ANKS1B: variants seen among roughly 807,000 people sequenced by gnomAD.
ANKS1B encodes the protein ankyrin repeat and sterile alpha motif domain-containing protein 1B.
Under a neutral mutation model 148.3 loss-of-function variants are expected in ANKS1B, and 36 were observed. That is an observed-to-expected ratio of 0.24 (90% CI 0.19 to 0.32). The LOEUF is 0.32. Ranked by LOEUF, ANKS1B falls within the 10% of genes least tolerant of loss-of-function variation. ANKS1B has a pLI of 1.00. For missense variants in ANKS1B, 1,157 were observed against 1,542.6 expected (o/e 0.75, Z 4.19); for synonymous variants, 542 against 560.8 (o/e 0.97, Z 0.47).
At chr12:99,649,324 T>C in intron 9 of ANKS1B, 6 of 1,614,156 alleles carry the variant, frequency 3.7e-6, no homozygotes, top group Non-Finnish European at 5.1e-6. Context: ...GAAGGAGCAA[T>C]TCAGAATCAG....
chr12:99,309,621 A>C (rs575782387), intron 12 of ANKS1B, among the ~76,000 whole-genome samples: 1 of 152,190 alleles, frequency 6.6e-6, no homozygotes, highest in East Asian at 1.9e-4. Flanking sequence ...TCACACATAA[A>C]TACATAAATA....
At chr12:99,369,971 T>C (rs1368567834) in intron 12 of ANKS1B, among the ~76,000 whole-genome samples, 1 of 152,178 alleles carries the variant, frequency 6.6e-6, no homozygotes, top group Admixed American at 6.6e-5. Flanking sequence ...TCTTTCAACT[T>C]GACTGTTTGA....
At chr12:99,327,198 AT>A (rs1756273333) in intron 12 of ANKS1B, among the ~76,000 whole-genome samples, 1 of 114,614 alleles carries the variant, frequency 8.7e-6, no homozygotes, top group South Asian at 2.3e-4. Flanking sequence ...TAATTATATA[AT>A]ATATTATCTA....
chr12:99,831,855 A>G (rs1450561545), intron 1 of ANKS1B, among the ~76,000 whole-genome samples: 1 of 152,186 alleles, frequency 6.6e-6, no homozygotes, highest in East Asian at 1.9e-4. Context: ...AACAGATATC[A>G]CTATTCTTTA....
chr12:99,926,678 T>C (rs924183403), intron 1 of ANKS1B, among the ~76,000 whole-genome samples: 1 of 152,204 alleles, frequency 6.6e-6, no homozygotes, highest in Non-Finnish European at 1.5e-5. Flanking sequence ...AATAAATGCC[T>C]TTATATACAT....
intron 11 of ANKS1B, among the ~76,000 whole-genome samples, chr12:99,406,711 A>C (rs2094539618): frequency 6.8e-6 from 1 of 146,244 alleles, no homozygotes; most frequent in Non-Finnish European, 1.5e-5. Flanking sequence ...AAATACCATA[A>C]ATGCTAAATA....
chr12:99,055,131 C>T (rs542072646), intron 16 of ANKS1B, among the ~76,000 whole-genome samples: 4 of 152,154 alleles, frequency 2.6e-5, no homozygotes, highest in South Asian at 4.1e-4. Context: ...CATAGATATT[C>T]GGTAGCTTCA....
intron 17 of ANKS1B, among the ~76,000 whole-genome samples, chr12:98,946,400 T>C (rs1308860666): frequency 1.3e-5 from 2 of 152,240 alleles, no homozygotes; most frequent in African/African-American, 4.8e-5. Context: ...TTTTTTGTTA[T>C]ATTTCCTCAT....
chr12:99,244,985 G>A (rs916015339), intron 13 of ANKS1B, among the ~76,000 whole-genome samples: 5 of 152,216 alleles, frequency 3.3e-5, no homozygotes, highest in African/African-American at 9.6e-5. Context: ...CTCCCAAGTA[G>A]CTGGGATTAC....
intron 8 of ANKS1B, among the ~76,000 whole-genome samples, chr12:99,749,395 T>C (rs534776846): frequency 1.3e-5 from 2 of 152,168 alleles, no homozygotes; most frequent in African/African-American, 4.8e-5. Flanking sequence ...AAAACCAGTG[T>C]AGAGGAAAAT....
At chr12:99,685,024 A>G (rs2098641681) in intron 8 of ANKS1B, among the ~76,000 whole-genome samples, 1 of 152,140 alleles carries the variant, frequency 6.6e-6, no homozygotes, top group African/African-American at 2.4e-5. Flanking sequence ...TAGGCAAAGA[A>G]TTCATGAACA....
intron 2 of ANKS1B, among the ~76,000 whole-genome samples, chr12:99,821,088 T>C (rs1421404691): frequency 1.3e-5 from 2 of 152,136 alleles, no homozygotes; most frequent in Admixed American, 6.5e-5. Flanking sequence ...TCATAGTGCA[T>C]AACTGAGCCA....
chr12:99,647,874 G>A (rs925298028), intron 9 of ANKS1B: 1 of 372,888 alleles, frequency 2.7e-6, no homozygotes, highest in South Asian at 6.3e-5. Context: ...CCTCCCGAAT[G>A]AGCACTGACA....
chr12:99,859,493 T>G (rs1207885772), intron 1 of ANKS1B, among the ~76,000 whole-genome samples: 1 of 152,156 alleles, frequency 6.6e-6, no homozygotes, highest in Non-Finnish European at 1.5e-5. Flanking sequence ...CCCAATCACT[T>G]TTGACTGGTG....
At chr12:99,592,655 T>C (rs1053004455) in intron 9 of ANKS1B, among the ~76,000 whole-genome samples, 3 of 152,094 alleles carry the variant, frequency 2.0e-5, no homozygotes, top group African/African-American at 7.2e-5. Flanking sequence ...AATGTTAGAC[T>C]ATGAAAGTTT....
At chr12:98,979,010 C>T (rs1319681667) in intron 17 of ANKS1B, among the ~76,000 whole-genome samples, 8 of 151,428 alleles carry the variant, frequency 5.3e-5, no homozygotes, top group East Asian at 4.0e-4. Context: ...GGCGTGGTGG[C>T]GGGCGCCTGT....
At chr12:99,596,567 T>C (rs1486196854) in intron 9 of ANKS1B, among the ~76,000 whole-genome samples, 90 of 151,988 alleles carry the variant, frequency 5.9e-4, no homozygotes, top group Non-Finnish European at 1.0e-4. Context: ...GGTAGGTTTA[T>C]GCTTATTTCA....
At chr12:98,979,546 C>T (rs1248846917) in intron 17 of ANKS1B, among the ~76,000 whole-genome samples, 1 of 152,192 alleles carries the variant, frequency 6.6e-6, no homozygotes, top group African/African-American at 2.4e-5. Context: ...GCTGGGATTA[C>T]AGGCGTGAGC....
intron 8 of ANKS1B, among the ~76,000 whole-genome samples, chr12:99,749,443 A>G (rs1483650166): frequency 6.6e-6 from 1 of 152,078 alleles, no homozygotes; most frequent in Non-Finnish European, 1.5e-5. Context: ...TCCAGATTAC[A>G]TTGTTTGAGT....
Sources: gnomAD v4.1 joint callset for allele counts (sites outside exome capture counted in the v4.1 genomes callset) on GRCh38, gnomAD v4.1.1 for gene constraint, MANE v1.5 for transcripts, NCBI Gene and HGNC (gene_info 2026-07-23, HGNC 2026-07-21) for gene names.